The following CWH43 variants were observed in gnomAD, a reference collection of about 807,000 sequenced individuals.
CWH43 encodes the protein PGAP2-interacting protein.
In CWH43, 91 loss-of-function variants were observed where a neutral mutation model predicts 85.7. That is an observed-to-expected ratio of 1.06 (90% CI 0.90 to 1.26). CWH43 has a LOEUF of 1.26. CWH43 is among the 50% of genes most tolerant of loss of function. The pLI is 0.00. For missense variants in CWH43, 869 were observed against 839.2 expected, an observed-to-expected ratio of 1.04 and a Z score of -0.44; for synonymous variants, 323 against 293.6, an observed-to-expected ratio of 1.10 and a Z score of -1.02.
chr4:48,993,332 C>T (rs558514177), intron 4 of CWH43, among the ~76,000 whole-genome samples: 4 of 152,152 alleles, frequency 2.6e-5, no homozygotes, highest in Non-Finnish European at 2.9e-5. Context: ...CAAAACTCTC[C>T]GCTGAGCCCC....
intron 8 of CWH43, among the ~76,000 whole-genome samples, chr4:49,010,482 C>T (rs1352695848): frequency 6.6e-6 from 1 of 152,098 alleles, no homozygotes; most frequent in Non-Finnish European, 1.5e-5. Context: ...TCCTTTCGTT[C>T]TGCTCTGATC....
chr4:49,025,140 A>G (rs1456641499), intron 9 of CWH43, among the ~76,000 whole-genome samples: 3 of 151,738 alleles, frequency 2.0e-5, no homozygotes, highest in African/African-American at 7.3e-5. Context: ...GTTCAATTCT[A>G]TTGCTGAGAT....
At chr4:48,997,891 T>G (rs1285169528) in intron 5 of CWH43, among the ~76,000 whole-genome samples, 3 of 152,234 alleles carry the variant, frequency 2.0e-5, no homozygotes, top group Non-Finnish European at 4.4e-5. Flanking sequence ...AGTCCTATAT[T>G]CTAGCTATTA....
chr4:49,021,992 CT>C (rs891133993), intron 9 of CWH43, among the ~76,000 whole-genome samples: 3 of 152,234 alleles, frequency 2.0e-5, no homozygotes, highest in African/African-American at 4.8e-5. Flanking sequence ...ATTATGTCAT[CT>C]GCAAACAGCG....
intron 11 of CWH43, 157 bp downstream of exon 11, chr4:49,031,117 A>AT: frequency 1.5e-6 from 1 of 646,660 alleles, no homozygotes; most frequent in Non-Finnish European, 2.5e-6. Context: ...ACATTCTGTA[A>AT]TTTTTCAAAT....
intron 13 of CWH43, among the ~76,000 whole-genome samples, chr4:49,039,735 G>A (rs1382881039): frequency 6.7e-6 from 1 of 150,312 alleles, no homozygotes; most frequent in African/African-American, 2.4e-5. Context: ...TTTTTTTTCT[G>A]ATTTTTTTAA....
chr4:49,022,712 T>C (rs1783790928), intron 9 of CWH43, among the ~76,000 whole-genome samples: 1 of 152,176 alleles, frequency 6.6e-6, no homozygotes, highest in Non-Finnish European at 1.5e-5. Context: ...TAAATTGCCA[T>C]TTCAATCTGG....
intron 2 of CWH43, among the ~76,000 whole-genome samples, chr4:48,990,731 G>A (rs12502614): frequency 0.56 from 84,564 of 151,696 alleles, 26,859 homozygotes; most frequent in Middle Eastern, 0.74. Flanking sequence ...CTTTGGCAAA[G>A]CGTGATAGAA....
At chr4:49,052,813 A>G (rs1018734637) in intron 15 of CWH43, among the ~76,000 whole-genome samples, 1 of 152,310 alleles carries the variant, frequency 6.6e-6, no homozygotes, top group African/African-American at 2.4e-5. Flanking sequence ...TATTAATCAC[A>G]CCTTAGCAAT....
chr4:48,988,325 T>TGG lies in CWH43; in HGVS notation c.44-152_44-151insGG. 12 of 488,482 alleles carry TGG rather than the reference T, an allele frequency of 2.5e-5. No homozygotes were observed. In the South Asian group the frequency reaches 3.2e-4, roughly 13 times the overall value. The allele number at this position is 488,482 out of a possible 1,614,324, so 30.3% of individuals were successfully genotyped here. On this transcript the variant is annotated intron_variant, in intron 1 of 15. Transcript: ENST00000226432. ...ACACAGGTGTAGAGCTCTTGTTTTG[T>TGG]TCCATGTCAGTGGAGACAACTGGAA...
At chr4:49,016,967 C>T (rs550084306) in intron 8 of CWH43, 38 of 782,840 alleles carry the variant, frequency 4.9e-5, no homozygotes, top group African/African-American at 1.9e-4. Flanking sequence ...AGCAGTTCTG[C>T]GCAGGCACAG....
intron 6 of CWH43, among the ~76,000 whole-genome samples, chr4:49,001,163 A>G (rs1291179516): frequency 6.6e-6 from 1 of 152,226 alleles, no homozygotes; most frequent in Admixed American, 6.5e-5. Flanking sequence ...GGTGCTTTAA[A>G]TGTTGATAGC....
intron 14 of CWH43, among the ~76,000 whole-genome samples, chr4:49,047,764 G>A (rs1025671317): frequency 3.3e-5 from 5 of 152,112 alleles, no homozygotes; most frequent in African/African-American, 1.2e-4. Context: ...TAAGGATCTA[G>A]GGATCCTTAG....
intron 5 of CWH43, 76 bp downstream of exon 5, chr4:48,994,896 C>T: frequency 8.5e-7 from 1 of 1,174,486 alleles, no homozygotes. Context: ...TGTCAGACAG[C>T]TAGGTCTGTG....
At chr4:48,994,923 T>G in intron 5 of CWH43, 103 bp downstream of exon 5, 1 of 902,666 alleles carries the variant, frequency 1.1e-6, no homozygotes, top group Non-Finnish European at 1.8e-6. Flanking sequence ...AGATATTTCA[T>G]ACCACTCTCC....
intron 8 of CWH43, 66 bp downstream of exon 8, chr4:49,007,392 G>C (rs1312671696): frequency 2.8e-6 from 4 of 1,414,658 alleles, no homozygotes; most frequent in East Asian, 5.1e-5. Context: ...TGAAATTAAA[G>C]AGTATAATGA....
intron 12 of CWH43, among the ~76,000 whole-genome samples, chr4:49,037,143 T>C (rs1277077429): frequency 2.0e-5 from 3 of 152,174 alleles, no homozygotes; most frequent in Non-Finnish European, 4.4e-5. Context: ...TATGATGTCC[T>C]ATTTTCCCCT....
At chr4:49,002,966 C>A (rs1323430065) in intron 6 of CWH43, among the ~76,000 whole-genome samples, 1 of 152,078 alleles carries the variant, frequency 6.6e-6, no homozygotes, top group East Asian at 1.9e-4. Flanking sequence ...TGGAATGTTT[C>A]AAAAATGCCA....
intron 9 of CWH43, among the ~76,000 whole-genome samples, chr4:49,019,793 T>G (rs1303699737): frequency 2.8e-4 from 42 of 152,094 alleles, no homozygotes; most frequent in Non-Finnish European, 2.9e-5. Context: ...ATGGGCAGGC[T>G]GGTCTCAAAC....
Sources: allele counts gnomAD v4.1 joint callset (sites outside exome capture counted in the v4.1 genomes callset), GRCh38; gene constraint gnomAD v4.1.1; transcripts MANE v1.5; gene names NCBI Gene and HGNC (gene_info 2026-07-23, HGNC 2026-07-21).